Variants in DNAJC3 observed in about 807,000 individuals in gnomAD.
The protein encoded by DNAJC3 is DnaJ heat shock protein family (Hsp40) member C3, also known as dnaJ homolog subfamily C member 3.
DNAJC3 carries 38 observed loss-of-function variants against 68.6 expected under a neutral mutation model. That is an observed-to-expected ratio of 0.55 (90% confidence interval 0.43 to 0.73). DNAJC3 has a LOEUF of 0.73. Ranked by LOEUF, DNAJC3 falls within the 30% of genes least tolerant of loss-of-function variation. The pLI, the probability that DNAJC3 is intolerant of heterozygous loss-of-function variation, is 0.00. For missense variants in DNAJC3, 526 were observed against 591.9 expected (o/e 0.89, Z 1.16); for synonymous variants, 203 against 204.0 (o/e 1.00, Z 0.04).
At chr13:95,740,237 G>A (rs148598869) in intron 4 of DNAJC3, among the ~76,000 whole-genome samples, 17,448 of 152,276 alleles carry the variant, frequency 0.11, 1,126 homozygotes, top group Middle Eastern at 0.2. Context: ...GGATATTTAA[G>A]TCTTCAGAGG....
chr13:95,714,814 C>T (rs568389710), intron 2 of DNAJC3, among the ~76,000 whole-genome samples: 1 of 152,254 alleles, frequency 6.6e-6, no homozygotes, highest in South Asian at 2.1e-4. Context: ...ATGTATATAC[C>T]TTCTACCTAT....
intron 2 of DNAJC3, among the ~76,000 whole-genome samples, chr13:95,722,829 C>T (rs1331169749): frequency 1.0e-4 from 4 of 38,550 alleles, no homozygotes; most frequent in African/African-American, 4.1e-4. Flanking sequence ...CCCCCCCCCC[C>T]CCCCCCCCCC....
intron 1 of DNAJC3, chr13:95,693,301 C>T (rs1234526495): frequency 6.6e-6 from 1 of 152,180 alleles, no homozygotes; most frequent in African/African-American, 2.4e-5. Flanking sequence ...TAGGCTTTTA[C>T]TCTAAATACC....
At position 95,794,493 on chromosome 13, in the gene DNAJC3, A is replaced by C. The variant is rs1883901704; in HGVS notation, c.*3463A>C. The C allele has an allele frequency of 6.6e-6, 1 of 152,266 alleles. No homozygotes were observed. The highest frequency in any genetic ancestry group is 1.5e-5 in the Non-Finnish European group (1 of 68,050). 9.4% of individuals were successfully genotyped at this position (152,266 alleles called of 1,614,324 possible). A position where few individuals can be genotyped will look rare whatever the true frequency, so the allele number is the denominator to read the frequency against. ...TTCCAAATTTATAAAGGAAGGAAGA[A>C]GGCAAATGTTAATTTGCCAACAACG... On this transcript the variant is annotated 3_prime_UTR_variant, in exon 12 of 12. Coordinates refer to ENST00000602402, the MANE Select transcript of DNAJC3 (RefSeq NM_006260.5).
rs978267774 is a variant in DNAJC3 at position 95,757,508 on chromosome 13, A to G, written c.394-136A>G. ...CCCTGCTGCATCCAGTCATCAGACAAGCCAGTTTTTCCAGTATCTCTTTAC... is the reference window on the plus strand; with the variant it reads ...CCCTGCTGCATCCAGTCATCAGACAGGCCAGTTTTTCCAGTATCTCTTTAC... On this transcript the variant is annotated intron_variant, in intron 4 of 11. Transcript: ENST00000602402. The G allele has an allele frequency of 9.2e-6, 8 of 872,334 alleles. No homozygotes were observed. The African/African-American group carries it at 1.3e-4, about 15-fold the overall frequency. The allele number at this position is 872,334 out of a possible 1,614,324, so 54.0% of individuals were successfully genotyped here.
At chr13:95,759,782 A>G (rs1471988675) in intron 5 of DNAJC3, among the ~76,000 whole-genome samples, 1 of 152,222 alleles carries the variant, frequency 6.6e-6, no homozygotes, top group Non-Finnish European at 1.5e-5. Flanking sequence ...AGGAGGTAAG[A>G]AAAGGGCCTT....
chr13:95,679,151 TG>T (rs1466852017), intron 1 of DNAJC3, among the ~76,000 whole-genome samples: 2 of 151,074 alleles, frequency 1.3e-5, no homozygotes, highest in Non-Finnish European at 2.9e-5. Flanking sequence ...CAACATCATG[TG>T]AGTCCAAGCA....
chr13:95,782,134 T>C (rs1246254380), intron 9 of DNAJC3, among the ~76,000 whole-genome samples: 1 of 152,214 alleles, frequency 6.6e-6, no homozygotes, highest in Non-Finnish European at 1.5e-5. Flanking sequence ...GGACTTGAAC[T>C]CACCTTTTTT....
intron 1 of DNAJC3, among the ~76,000 whole-genome samples, chr13:95,691,937 C>A (rs537978543): frequency 6.6e-6 from 1 of 152,192 alleles, no homozygotes; most frequent in Non-Finnish European, 1.5e-5. Context: ...CGCCTGCAAT[C>A]GCAGGCACTG....
intron 9 of DNAJC3, among the ~76,000 whole-genome samples, chr13:95,766,992 G>A (rs1383350208): frequency 2.6e-5 from 4 of 152,118 alleles, no homozygotes; most frequent in African/African-American, 9.7e-5. Flanking sequence ...GAGCCACCAC[G>A]CCTGGCCAGT....
At chr13:95,784,048 G>C (rs1883525673) in intron 9 of DNAJC3, among the ~76,000 whole-genome samples, 1 of 152,202 alleles carries the variant, frequency 6.6e-6, no homozygotes, top group African/African-American at 2.4e-5. Flanking sequence ...GCATTTGGCT[G>C]TCTCAGTCTT....
intron 9 of DNAJC3, among the ~76,000 whole-genome samples, chr13:95,771,133 G>GT (rs17882428): frequency 0.011 from 1,742 of 151,956 alleles, 34 homozygotes; most frequent in African/African-American, 0.04. Context: ...AAGGTATTTG[G>GT]TTTACTTTTC....
At chr13:95,774,286 CT>C (rs1266410646) in intron 9 of DNAJC3, among the ~76,000 whole-genome samples, 5 of 152,222 alleles carry the variant, frequency 3.3e-5, no homozygotes, top group African/African-American at 9.6e-5. Context: ...TCCCTTCTGA[CT>C]TCTTTGATGC....
chr13:95,734,127 C>T (rs1881808977), intron 4 of DNAJC3, among the ~76,000 whole-genome samples: 1 of 152,044 alleles, frequency 6.6e-6, no homozygotes, highest in African/African-American at 2.4e-5. Context: ...GTTTGCTCTA[C>T]CAGTGAGTTT....
At chr13:95,725,332 A>C (rs1051831968) in intron 4 of DNAJC3, 80 bp downstream of exon 4, 5 of 1,039,832 alleles carry the variant, frequency 4.8e-6, no homozygotes, top group Non-Finnish European at 6.8e-6. Context: ...TATGACAGTT[A>C]ATAGTAATTT....
chr13:95,761,913 T>G (rs1484580780), intron 7 of DNAJC3, among the ~76,000 whole-genome samples: 1 of 152,128 alleles, frequency 6.6e-6, no homozygotes. Context: ...CAGGATGGGC[T>G]TTTTTCCCCC....
At chr13:95,740,618 T>C (rs1310976260) in intron 4 of DNAJC3, among the ~76,000 whole-genome samples, 1 of 152,220 alleles carries the variant, frequency 6.6e-6, no homozygotes, top group Non-Finnish European at 1.5e-5. Context: ...GAAAGGGAAC[T>C]CCCTGACCCC....
At chr13:95,736,253 T>C (rs1881913595) in intron 4 of DNAJC3, among the ~76,000 whole-genome samples, 1 of 152,166 alleles carries the variant, frequency 6.6e-6, no homozygotes, top group Non-Finnish European at 1.5e-5. Flanking sequence ...AGTCAAGTAG[T>C]GTGATGCCTC....
chr13:95,698,384 C>G (rs1371249310), intron 1 of DNAJC3, among the ~76,000 whole-genome samples: 1 of 152,194 alleles, frequency 6.6e-6, no homozygotes, highest in East Asian at 1.9e-4. Context: ...TTCTGTTTAG[C>G]AGTGGGTCAG....
Sources: gnomAD v4.1 joint callset for allele counts (sites outside exome capture counted in the v4.1 genomes callset) on GRCh38, gnomAD v4.1.1 for gene constraint, MANE v1.5 for transcripts, NCBI Gene and HGNC (gene_info 2026-07-23, HGNC 2026-07-21) for gene names.